The following CEP112 variants were observed in gnomAD, a reference collection of about 807,000 sequenced individuals.
The protein encoded by CEP112 is centrosomal protein of 112 kDa.
A neutral mutation model predicts 153.0 loss-of-function variants in CEP112; 127 were observed. The observed-to-expected ratio is 0.83, with a 90% CI of 0.72 to 0.96. The LOEUF (loss-of-function observed/expected upper bound fraction) is 0.96. Among genes scored for constraint, CEP112 ranks in the 40% least tolerant of loss-of-function variants. The pLI is 0.00. For missense variants in CEP112, 1,089 were observed against 1,101.2 expected (o/e 0.99, Z 0.16); for synonymous variants, 358 against 374.4 (o/e 0.96, Z 0.51).
In CEP112 at chr17:66,191,187, T is replaced by C. The variant is rs2073149952; in HGVS notation, c.-9+810A>G. On this transcript the variant is annotated intron_variant, in intron 1 of 26. Transcript: ENST00000535342. This position sits in a 1 kb window ranked among gnomAD's most constrained non-coding sequence, Gnocchi z 4.2. ...AAGCTGAGGCTTAAGTGAGGTGAAG[T>C]CACTGACCTAGGTTCTTAGTGGACA... 2.6e-5 allele frequency among the ~76,000 whole-genome samples: 4 copies of C among 152,256 alleles called. No homozygotes were observed. The South Asian group carries it at 8.3e-4, about 32-fold the overall frequency.
intron 21 of CEP112, among the ~76,000 whole-genome samples, chr17:65,837,683 T>C (rs1269369986): frequency 6.6e-6 from 1 of 152,214 alleles, no homozygotes; most frequent in South Asian, 2.1e-4. Context: ...ACAGATCAGA[T>C]TGTTACTGTG....
At chr17:66,141,887 T>C (rs2070717292) in intron 4 of CEP112, among the ~76,000 whole-genome samples, 3 of 152,182 alleles carry the variant, frequency 2.0e-5, no homozygotes, top group Admixed American at 2.0e-4. Flanking sequence ...TTCTTTAGCT[T>C]TACACCCAGA....
chr17:65,665,471 G>C (rs1416428952), intron 24 of CEP112, among the ~76,000 whole-genome samples: 1 of 152,162 alleles, frequency 6.6e-6, no homozygotes, highest in Non-Finnish European at 1.5e-5. Flanking sequence ...TTAGAGCACA[G>C]GGCAGATGAA....
chr17:66,086,885 C>A (rs1363189244), intron 8 of CEP112, among the ~76,000 whole-genome samples: 1 of 152,068 alleles, frequency 6.6e-6, no homozygotes, highest in Non-Finnish European at 1.5e-5. Flanking sequence ...ATTTTATAAT[C>A]AGACATGCTA....
At chr17:66,054,445 C>T (rs2066589437) in intron 11 of CEP112, among the ~76,000 whole-genome samples, 1 of 152,144 alleles carries the variant, frequency 6.6e-6, no homozygotes, top group African/African-American at 2.4e-5. Context: ...GAATTGTATA[C>T]TACATGTACA....
chr17:65,773,583 T>C (rs2053507210), intron 21 of CEP112, among the ~76,000 whole-genome samples: 1 of 152,176 alleles, frequency 6.6e-6, no homozygotes, highest in Non-Finnish European at 1.5e-5. Context: ...AGTAAATAAA[T>C]GCTCATTGTA....
intron 19 of CEP112, among the ~76,000 whole-genome samples, chr17:65,924,534 A>G (rs1241201940): frequency 6.6e-6 from 1 of 152,172 alleles, no homozygotes; most frequent in Non-Finnish European, 1.5e-5. Flanking sequence ...GCATACATGC[A>G]CACATGATTT....
At chr17:65,943,281 A>G (rs2061557286) in intron 18 of CEP112, among the ~76,000 whole-genome samples, 2 of 152,228 alleles carry the variant, frequency 1.3e-5, no homozygotes, top group African/African-American at 4.8e-5. Flanking sequence ...TTGATATAAG[A>G]AAGACAACAT....
intron 24 of CEP112, among the ~76,000 whole-genome samples, chr17:65,682,606 C>A (rs1179272159): frequency 6.6e-6 from 1 of 152,174 alleles, no homozygotes; most frequent in Non-Finnish European, 1.5e-5. Context: ...CACAACACAG[C>A]GCTCAATAAA....
intron 24 of CEP112, among the ~76,000 whole-genome samples, chr17:65,673,530 G>A (rs1001233399): frequency 1.3e-5 from 2 of 152,006 alleles, no homozygotes; most frequent in African/African-American, 2.4e-5. Flanking sequence ...CAGATGCCAG[G>A]GACTGGGGTA....
At chr17:66,038,793 T>C (rs2065851245) in intron 12 of CEP112, among the ~76,000 whole-genome samples, 1 of 152,206 alleles carries the variant, frequency 6.6e-6, no homozygotes, top group Admixed American at 6.5e-5. Context: ...CTGATGTAAC[T>C]TGTAAGCATT....
At chr17:65,697,517 C>G (rs551981239) in intron 23 of CEP112, among the ~76,000 whole-genome samples, 1 of 152,098 alleles carries the variant, frequency 6.6e-6, no homozygotes, top group South Asian at 2.1e-4. Context: ...ACTCTATTTT[C>G]ATGTGAGATT....
intron 24 of CEP112, among the ~76,000 whole-genome samples, chr17:65,651,371 C>T (rs1193565154): frequency 6.6e-6 from 1 of 152,112 alleles, no homozygotes; most frequent in African/African-American, 2.4e-5. Context: ...CGTTTATGCA[C>T]CCCTTGTGAA....
intron 4 of CEP112, among the ~76,000 whole-genome samples, chr17:66,172,104 T>TGTCTAACAA (rs1414565257): frequency 2.0e-5 from 3 of 152,228 alleles, no homozygotes; most frequent in Non-Finnish European, 4.4e-5. Context: ...TATGTGGCAG[T>TGTCTAACAA]GTCTAACACA....
At chr17:65,930,846 G>A (rs559427096) in intron 18 of CEP112, among the ~76,000 whole-genome samples, 1 of 129,990 alleles carries the variant, frequency 7.7e-6, no homozygotes, top group Non-Finnish European at 1.7e-5. Context: ...ACTATCAGTA[G>A]GTCTTTTCAT....
At chr17:65,788,909 C>A (rs2054431302) in intron 21 of CEP112, among the ~76,000 whole-genome samples, 1 of 152,198 alleles carries the variant, frequency 6.6e-6, no homozygotes, top group Non-Finnish European at 1.5e-5. Context: ...TCTCCAGGGA[C>A]CTCTCTGACA....
chr17:65,839,652 G>A lies in CEP112; in HGVS notation c.2394+12152C>T, dbSNP rs113207377. 8.3e-3 allele frequency among the ~76,000 whole-genome samples: 1,259 copies of A among 152,072 alleles called. 17 individuals carry two copies. Among genetic ancestry groups the A allele is most frequent in the African/African-American group, 0.029 (1,187 of 41,508 alleles). On this transcript the variant is annotated intron_variant, in intron 21 of 26. Transcript: ENST00000535342. ...TCACCATTTCTATTCAACACAGATA[G>A]TATTGGGAGTCCTAGTCAGAGCAAT...
intron 23 of CEP112, among the ~76,000 whole-genome samples, chr17:65,709,199 C>T (rs977678072): frequency 2.1e-4 from 32 of 152,202 alleles, no homozygotes; most frequent in African/African-American, 6.0e-4. Context: ...ATCAAATCTG[C>T]GGCCTAATTA....
At chr17:65,957,245 AT>A (rs1275456634) in intron 18 of CEP112, among the ~76,000 whole-genome samples, 1 of 152,252 alleles carries the variant, frequency 6.6e-6, no homozygotes, top group African/African-American at 2.4e-5. Context: ...ACGTAAAAAA[AT>A]AAAACGCTAA....
Sources: allele counts gnomAD v4.1 joint callset (sites outside exome capture counted in the v4.1 genomes callset), GRCh38; gene constraint gnomAD v4.1.1; non-coding constraint Gnocchi (gnomAD v3.1); transcripts MANE v1.5; gene names NCBI Gene and HGNC (gene_info 2026-07-23, HGNC 2026-07-21).